TMEM132A: variants seen among roughly 807,000 people sequenced by gnomAD.
TMEM132A encodes transmembrane protein 132A.
In TMEM132A, 48 loss-of-function variants were observed where a neutral mutation model predicts 69.9. The observed-to-expected ratio is 0.69, with a 90% CI of 0.55 to 0.87. The LOEUF (loss-of-function observed/expected upper bound fraction) is 0.87, where lower values mean the gene tolerates loss of function less well. Ranked by LOEUF, TMEM132A falls within the 40% of genes least tolerant of loss-of-function variation. The pLI is 0.00. For synonymous variants in TMEM132A, 577 were observed against 613.7 expected (o/e 0.94, Z 0.88); for missense variants, 1,287 against 1,407.2 (o/e 0.91, Z 1.37).
intron 1 of TMEM132A, chr11:60,925,970 G>A (rs973523916): frequency 2.6e-4 from 40 of 152,212 alleles, no homozygotes; most frequent in African/African-American, 9.4e-4. Flanking sequence ...TCTAGGGAGC[G>A]CTTCCTAGTT....
At position 60,931,852 on chromosome 11, in the gene TMEM132A, C is replaced by G. The variant is rs1315196723; in HGVS notation, c.1180C>G (p.Arg394Gly). The change falls in exon 6 of 11, where the codon CGG (arginine) becomes GGG (glycine). Residue 394 changes from arginine to glycine, a missense_variant. Physicochemically the swap from Arg to Gly is moderately radical, Grantham distance 125 (BLOSUM62 -2). Transcript: ENST00000453848. ...KMVWEILVSERDIRALIPLAK... is the reference protein window; with the variant it reads ...KMVWEILVSEGDIRALIPLAK... ...GGTGTGGGAAATCCTGGTGTCTGAG[C>G]GGGACATCAGAGCCCTTATCCCACT... 1 of 1,614,050 alleles carries G rather than the reference C, an allele frequency of 6.2e-7. No individual in the cohort carries two copies. The highest frequency in any genetic ancestry group is 8.5e-7 in the Non-Finnish European group (1 of 1,180,038).
chr11:60,933,502 A>T, intron 7 of TMEM132A, 40 bp from the exon 8 acceptor site: 1 of 1,558,380 alleles, frequency 6.4e-7, no homozygotes, highest in Non-Finnish European at 8.7e-7. Flanking sequence ...ACCTGTCTTT[A>T]GTGGCTTAGC....
chr11:60,929,525 G>A (rs1162275632), intron 4 of TMEM132A, among the ~76,000 whole-genome samples: 2 of 152,156 alleles, frequency 1.3e-5, no homozygotes, highest in African/African-American at 2.4e-5. Flanking sequence ...TGCAGAGTAT[G>A]ACTTGCTTCT....
Position 60,928,825 on chromosome 11 carries a change from C to A in TMEM132A, c.731C>A (p.Pro244His), listed in dbSNP as rs1856409930. The change falls in exon 4 of 11, where the codon CCC becomes CAC. Residue 244 changes from proline (P) to histidine (H), a missense_variant. Transcript: ENST00000453848. ...GGTGTGGAGCTGCGCCCAGCAGACC[C>A]CCCGCAGTACCAGGAGGTACCTCTG... is the stretch of plus-strand genomic sequence containing the variant. ...VGGVELRPAD[P>H]PQYQEVPLDE... 1.9e-6 allele frequency: 3 copies of A among 1,612,140 alleles called. No individual in the cohort carries two copies. Among genetic ancestry groups the A allele is most frequent in the Non-Finnish European group, 2.5e-6 (3 of 1,179,860 alleles).
At position 60,935,192 on chromosome 11, in the gene TMEM132A, C is replaced by T. The variant is rs2134911169; in HGVS notation, c.1837-60C>T. The T allele has an allele frequency of 1.3e-6, 2 of 1,514,430 alleles. No individual in the cohort carries two copies. The highest frequency in any genetic ancestry group is 9.0e-7 in the Non-Finnish European group (1 of 1,115,824). The allele number at this position is 1,514,430 out of a possible 1,614,324, so 93.8% of individuals were successfully genotyped here. On this transcript the variant is annotated intron_variant, in intron 9 of 10. Coordinates refer to ENST00000453848, the MANE Select transcript of TMEM132A (RefSeq NM_178031.3). This position sits in a 1 kb window ranked among gnomAD's most constrained non-coding sequence, Gnocchi z 5.0. ...GAGGGTGCTGGGAGCACCCGGTTCC[C>T]TCTGGGTGGGGGCTGTCTGTATGGA...
chr11:60,931,190 T>C (rs1856472757), intron 5 of TMEM132A, among the ~76,000 whole-genome samples: 3 of 152,196 alleles, frequency 2.0e-5, no homozygotes, highest in Non-Finnish European at 4.4e-5. Flanking sequence ...ACTTGTGAAA[T>C]AGGAATAATA....
Position 60,937,157 on chromosome 11 carries a change from A to T in TMEM132A, c.*250A>T. ...AACAGAATAAACCGAGAAGGAAACCAGAGCTGGGACTGCTGCCGTCTGTCC... is the reference window on the plus strand; with the variant it reads ...AACAGAATAAACCGAGAAGGAAACCTGAGCTGGGACTGCTGCCGTCTGTCC... On this transcript the variant is annotated 3_prime_UTR_variant, in exon 11 of 11. Coordinates refer to ENST00000453848, the MANE Select transcript of TMEM132A (RefSeq NM_178031.3). The T allele has an allele frequency of 6.4e-7, 1 of 1,561,714 alleles. No homozygotes were observed.
chr11:60,925,095 G>T, intron 1 of TMEM132A: 1 of 201,956 alleles, frequency 5.0e-6, no homozygotes, highest in Non-Finnish European at 1.0e-5. Context: ...CTGTAGCGCT[G>T]CACCCTCCTA....
Position 60,935,534 on chromosome 11 carries a change from C to A in TMEM132A, c.2028+91C>A. ...ATGGGAGGAAGGGACCCTGGTACCT[C>A]GACCCCTTAGGGTTTTCAGAGTGAG... On this transcript the variant is annotated intron_variant, in intron 10 of 10. Coordinates refer to ENST00000453848, the MANE Select transcript of TMEM132A (RefSeq NM_178031.3). The surrounding 1 kb of genome is among the most constrained non-coding windows in gnomAD (Gnocchi z 5.0). 2 of 1,357,890 alleles carry A rather than the reference C, an allele frequency of 1.5e-6. No individual in the cohort carries two copies. The highest frequency in any genetic ancestry group is 2.0e-6 in the Non-Finnish European group (2 of 992,654). 84.1% of individuals were successfully genotyped at this position (1,357,890 alleles called of 1,614,324 possible). A position where few individuals can be genotyped will look rare whatever the true frequency, so the allele number is the denominator to read the frequency against.
Position 60,935,726 on chromosome 11 carries a change from CCT to C in TMEM132A, c.2029-137_2029-136del, listed in dbSNP as rs2134912711. 2 of 1,062,468 alleles carry C rather than the reference CCT, an allele frequency of 1.9e-6. No individual in the cohort carries two copies. The highest frequency in any genetic ancestry group is 2.4e-5 in the East Asian group (1 of 41,986). The allele number at this position is 1,062,468 out of a possible 1,614,324, so 65.8% of individuals were successfully genotyped here. On this transcript the variant is annotated intron_variant, in intron 10 of 10. Transcript: ENST00000453848. The surrounding 1 kb of genome is among the most constrained non-coding windows in gnomAD (Gnocchi z 5.0). ...GTGATTGACACGCGTCCCCTCTCTC[CCT>C]GTGTTTTGTCTATCTGCCTGTGTCT...
chr11:60,936,841 G>A lies in TMEM132A; in HGVS notation c.3006G>A (p.Glu1002=), dbSNP rs756114430. The change falls in exon 11 of 11, where the codon GAG becomes GAA. Residue 1002 remains glutamate, a synonymous_variant. Transcript: ENST00000453848. ...AGEEDIRWVC[E]DMGLKDPEEL... ...AGGAGGACATCCGCTGGGTGTGTGA[G>A]GACATGGGGCTGAAGGACCCTGAGG... 2.5e-5 allele frequency: 40 copies of A among 1,609,576 alleles called. No individual in the cohort carries two copies. The East Asian group carries it at 6.0e-4, about 24-fold the overall frequency.
rs758793825 is a variant in TMEM132A at position 60,935,198 on chromosome 11, G to A, written c.1837-54G>A. On this transcript the variant is annotated intron_variant, in intron 9 of 10. Transcript: ENST00000453848. This position sits in a 1 kb window ranked among gnomAD's most constrained non-coding sequence, Gnocchi z 5.0. ...GCTGGGAGCACCCGGTTCCCTCTGG[G>A]TGGGGGCTGTCTGTATGGAAGGCCC... The A allele has an allele frequency of 1.8e-5, 27 of 1,525,510 alleles. No homozygotes were observed. The highest frequency in any genetic ancestry group is 2.2e-5 in the Non-Finnish European group (25 of 1,123,420). 94.5% of individuals were successfully genotyped at this position (1,525,510 alleles called of 1,614,324 possible). A position where few individuals can be genotyped will look rare whatever the true frequency, so the allele number is the denominator to read the frequency against.
rs139210234 is a variant in TMEM132A, at chr11:60,936,343, G to A, written c.2508G>A (p.Met836Ile). 1,707 of 1,614,138 alleles carry A rather than the reference G, an allele frequency of 1.1e-3. 15 individuals are homozygous for A. In the African/African-American group the frequency reaches 0.021, roughly 19 times the overall value. Residue 836 changes from methionine to isoleucine, a missense_variant, in exon 11 of 11, where the codon ATG becomes ATA. Physicochemically the swap from Met to Ile is conservative, Grantham distance 10 (BLOSUM62 1). Transcript: ENST00000453848. ...AGGAGGAGGAAGAGGAGGAGGAGAT[G>A]GTCCCTGCCCCTCAGCATGTCACTG... The part of the protein sequence containing the change: ...REEEEEEEEE[M>I]VPAPQHVTEL...
chr11:60,934,666 C>T lies in TMEM132A; in HGVS notation c.1738C>T (p.Leu580Phe), dbSNP rs758298737. 6.9e-5 allele frequency: 111 copies of T among 1,599,240 alleles called. No individual in the cohort carries two copies. In the Admixed American group the frequency reaches 1.8e-3, roughly 27 times the overall value. Residue 580 changes from leucine (L) to phenylalanine (F), a missense_variant, in exon 9 of 11, where the codon CTC becomes TTC. By Grantham distance (22) the Leu-to-Phe change is conservative. Coordinates refer to ENST00000453848, the MANE Select transcript of TMEM132A (RefSeq NM_178031.3). ...CGACTGGCTGCTAGACGTGTCCCAC[C>T]TCGTGGCGCCACACGCCCGCGTGCT... Reference protein sequence around the residue: ...GPDWLLDVSHLVAPHARVLDS... With the variant: ...GPDWLLDVSHFVAPHARVLDS...
rs1261761087 is a variant in TMEM132A, at chr11:60,936,402, T to TC, written c.2568dup (p.Phe857LeufsTer30). 1 of 1,613,784 alleles carries TC rather than the reference T, an allele frequency of 6.2e-7. No individual in the cohort carries two copies. ...CTGGGCATGTACGCCCTGCTGGGAG[T>TC]CTTCTGCGTGGCCATCTTCATCTTC... On this transcript the variant is annotated frameshift_variant, in exon 11 of 11. Coordinates refer to ENST00000453848, the MANE Select transcript of TMEM132A (RefSeq NM_178031.3). LOFTEE classifies it low-confidence loss of function (END_TRUNC).
intron 7 of TMEM132A, 77 bp from the exon 8 acceptor site, chr11:60,933,465 T>G (rs1050673455): frequency 2.5e-5 from 32 of 1,292,140 alleles, no homozygotes; most frequent in African/African-American, 1.2e-4. Flanking sequence ...ACTACAGGCA[T>G]GAGCCACCCA....
Position 60,936,161 on chromosome 11 carries a change from C to G in TMEM132A, c.2326C>G (p.Leu776Val). Residue 776 changes from leucine (L) to valine (V), a missense_variant, in exon 11 of 11, where the codon CTC becomes GTC. Leu to Val is a conservative substitution (Grantham distance 32, BLOSUM62 1). Coordinates refer to ENST00000453848, the MANE Select transcript of TMEM132A (RefSeq NM_178031.3). ...LPPASTPAPA[L>V]PSSPAWSPPA... ...CCCTGCCTCCACTCCAGCCCCTGCTCTCCCATCCAGCCCTGCTTGGAGCCC... is the reference window on the plus strand; with the variant it reads ...CCCTGCCTCCACTCCAGCCCCTGCTGTCCCATCCAGCCCTGCTTGGAGCCC... The G allele has an allele frequency of 1.2e-6, 2 of 1,613,918 alleles. No individual in the cohort carries two copies. The highest frequency in any genetic ancestry group is 2.7e-5 in the African/African-American group (2 of 75,036).
intron 3 of TMEM132A, 103 bp downstream of exon 3, chr11:60,927,962 G>T (rs79330054): frequency 0.026 from 25,096 of 974,256 alleles, 1,100 homozygotes; most frequent in East Asian, 0.18. Context: ...AAGCGCGGGG[G>T]TTGTGGACCA....
In TMEM132A at chr11:60,934,510, G is replaced by C; in HGVS notation, c.1582G>C (p.Ala528Pro). Residue 528 changes from alanine to proline, a missense_variant, in exon 9 of 11, where the codon GCG (alanine) becomes CCG (proline). Transcript: ENST00000453848. ...CAGGCCTGCGGAACCCGCTGCAGAG[G>C]CGTCGGATGAGGCCGAGCGGCGCGC... ...AEGPAEPAAE[A>P]SDEAERRARG... 1 of 1,419,434 alleles carries C rather than the reference G, an allele frequency of 7.0e-7. No homozygotes were observed. The highest frequency in any genetic ancestry group is 9.1e-7 in the Non-Finnish European group (1 of 1,095,848). 87.9% of individuals were successfully genotyped at this position (1,419,434 alleles called of 1,614,324 possible). A position where few individuals can be genotyped will look rare whatever the true frequency, so the allele number is the denominator to read the frequency against.
Sources: gnomAD v4.1 joint callset for allele counts (sites outside exome capture counted in the v4.1 genomes callset) on GRCh38, gnomAD v4.1.1 for gene constraint, Gnocchi (gnomAD v3.1) non-coding constraint, MANE v1.5 for transcripts, NCBI Gene and HGNC (gene_info 2026-07-23, HGNC 2026-07-21) for gene names.